The following USP34 variants were observed in gnomAD, a reference collection of about 807,000 sequenced individuals.
USP34 encodes the protein ubiquitin specific peptidase 34.
In USP34, 70 loss-of-function variants were observed where a neutral mutation model predicts 460.3. That is an observed-to-expected ratio of 0.15 (90% CI 0.13 to 0.19). The LOEUF (loss-of-function observed/expected upper bound fraction) is 0.19. Among genes scored for constraint, USP34 ranks in the 10% least tolerant of loss-of-function variants. The probability of loss-of-function intolerance (pLI) is 1.00; values close to 1 mark genes in which losing one functional copy is unlikely to be tolerated. For synonymous variants in USP34, 1,647 were observed against 1,405.3 expected, an observed-to-expected ratio of 1.17 and a Z score of -3.85; for missense variants, 3,985 against 4,236.2, an observed-to-expected ratio of 0.94 and a Z score of 1.65.
intron 2 of USP34, among the ~76,000 whole-genome samples, chr2:61,415,573 T>C (rs561759352): frequency 1.3e-5 from 2 of 152,276 alleles, no homozygotes; most frequent in East Asian, 3.9e-4. Context: ...AACAGCAATA[T>C]AAGAAGAGTG....
intron 50 of USP34, among the ~76,000 whole-genome samples, chr2:61,245,573 T>C (rs939230411): frequency 2.0e-5 from 3 of 151,938 alleles, no homozygotes; most frequent in African/African-American, 7.2e-5. Flanking sequence ...GTAACGCTAT[T>C]AGGAAAAATT....
intron 68 of USP34, among the ~76,000 whole-genome samples, chr2:61,213,382 C>G (rs1416074031): frequency 1.3e-5 from 2 of 151,814 alleles, no homozygotes; most frequent in East Asian, 3.9e-4. Context: ...ACTCATTACA[C>G]CATCTAGAAA....
Position 61,283,159 on chromosome 2 carries a change from G to C in USP34, c.4984C>G (p.Leu1662Val), listed in dbSNP as rs536815742. 7 of 1,613,188 alleles carry C rather than the reference G, an allele frequency of 4.3e-6. No individual in the cohort carries two copies. The highest frequency in any genetic ancestry group is 4.5e-5 in the East Asian group (2 of 44,768). ...HLQDWLKKLT[L>V]LIPETAVRHE... ...CTTTATCTTACCTCAGGAATAAGGA[G>C]AGTCAATTTCTTTAGCCAATCTTGT... Residue 1662 changes from leucine (L) to valine (V), a missense_variant, in exon 37 of 80, where the codon CTC (leucine) becomes GTC (valine). Leu to Val is a conservative substitution (Grantham distance 32). This residue lies in a region of USP34 where 1,114 missense variants were observed against 1,122.5 expected (regional missense o/e 0.99). Transcript: ENST00000398571.
intron 39 of USP34, among the ~76,000 whole-genome samples, 191 bp downstream of exon 39, chr2:61,280,053 A>C (rs1331728304): frequency 6.6e-6 from 1 of 152,224 alleles, no homozygotes. Flanking sequence ...CGTTTCAACT[A>C]AGGTCTGAGT....
intron 53 of USP34, among the ~76,000 whole-genome samples, chr2:61,241,350 T>C (rs1688254055): frequency 6.6e-6 from 1 of 152,104 alleles, no homozygotes; most frequent in Non-Finnish European, 1.5e-5. Context: ...TCGCCTACTC[T>C]CTTTTAGTGA....
chr2:61,236,939 G>A (rs1377402851), intron 53 of USP34, among the ~76,000 whole-genome samples: 1 of 152,090 alleles, frequency 6.6e-6, no homozygotes, highest in Non-Finnish European at 1.5e-5. Context: ...TCTGACTATT[G>A]ATATTACTAG....
intron 2 of USP34, 119 bp downstream of exon 2, chr2:61,420,627 G>A (rs1192703968): frequency 9.3e-6 from 5 of 537,332 alleles, no homozygotes; most frequent in Non-Finnish European, 1.6e-5. Context: ...TTGACAAACT[G>A]TCATTTAGTA....
intron 49 of USP34, among the ~76,000 whole-genome samples, chr2:61,247,837 C>G (rs1688458125): frequency 2.0e-5 from 3 of 152,114 alleles, no homozygotes; most frequent in Non-Finnish European, 4.4e-5. Context: ...CTCTGTCGCC[C>G]ACACTGGAGT....
chr2:61,267,534 C>G (rs1689087457), intron 41 of USP34, among the ~76,000 whole-genome samples: 2 of 151,882 alleles, frequency 1.3e-5, no homozygotes, highest in African/African-American at 4.8e-5. Flanking sequence ...CCACCGCTGC[C>G]CAGGTTCGAG....
chr2:61,373,373 T>C (rs1177919285), intron 8 of USP34, among the ~76,000 whole-genome samples: 1 of 151,894 alleles, frequency 6.6e-6, no homozygotes, highest in Non-Finnish European at 1.5e-5. Context: ...ACTAGTTTTT[T>C]TTTTTAAAGA....
At chr2:61,447,252 T>A (rs1695145744) in intron 1 of USP34, among the ~76,000 whole-genome samples, 1 of 54,680 alleles carries the variant, frequency 1.8e-5, no homozygotes, top group East Asian at 7.6e-4. Flanking sequence ...GAAACTGTCT[T>A]CCAAAAAAAA....
intron 10 of USP34, among the ~76,000 whole-genome samples, chr2:61,360,583 T>C (rs1692244927): frequency 6.6e-6 from 1 of 152,196 alleles, no homozygotes; most frequent in Non-Finnish European, 1.5e-5. Flanking sequence ...ATTCATGCAC[T>C]GAAGGAAAAA....
chr2:61,322,412 G>A (rs1301667473), intron 21 of USP34, among the ~76,000 whole-genome samples: 1 of 152,160 alleles, frequency 6.6e-6, no homozygotes, highest in Non-Finnish European at 1.5e-5. Context: ...CAGTGTGGCA[G>A]AAGACAGACG....
At chr2:61,354,300 A>T (rs190433130) in intron 10 of USP34, among the ~76,000 whole-genome samples, 1 of 152,308 alleles carries the variant, frequency 6.6e-6, no homozygotes. Context: ...ATTATCAGCG[A>T]ATTTCTCATC....
chr2:61,355,070 T>C (rs1180052154), intron 10 of USP34, among the ~76,000 whole-genome samples: 1 of 152,212 alleles, frequency 6.6e-6, no homozygotes. Context: ...GAATTATCCC[T>C]GTGTTCTCAG....
chr2:61,390,299 G>A (rs1249559030), intron 5 of USP34, among the ~76,000 whole-genome samples: 1 of 152,206 alleles, frequency 6.6e-6, no homozygotes, highest in Non-Finnish European at 1.5e-5. Flanking sequence ...GCTGAGGGCT[G>A]AGGAAGGATA....
rs575605924 is a variant in USP34 at position 61,355,631 on chromosome 2, CAACA to C, written c.1252-4942_1252-4939del. Among the ~76,000 whole-genome samples the C allele has an allele frequency of 5.5e-4, 83 of 151,412 alleles. No homozygotes were observed. The East Asian group carries it at 0.012, about 22-fold the overall frequency. On this transcript the variant is annotated intron_variant, in intron 10 of 79. Transcript: ENST00000398571. ...ACAAAAACAACAACAACAACAACAA[CAACA>C]AACAAACACAAACCACCAAAACAAC...
chr2:61,369,200 G>A (rs1038962313), intron 10 of USP34, among the ~76,000 whole-genome samples: 35 of 152,318 alleles, frequency 2.3e-4, no homozygotes, highest in African/African-American at 7.7e-4. Context: ...TGCCGTACCA[G>A]TATCTACCAC....
chr2:61,444,627 AAAAC>A lies in USP34; in HGVS notation c.44-23798_44-23795del, dbSNP rs756929109. On this transcript the variant is annotated intron_variant, in intron 1 of 79. Coordinates refer to ENST00000398571, the MANE Select transcript of USP34 (RefSeq NM_014709.4). ...TTGTCATAGTTAACTACTGAAGACA[AAAAC>A]AAAGAAAATCTTAAAACTGAGCAAA... Among the ~76,000 whole-genome samples the A allele has an allele frequency of 9.2e-5, 14 of 152,308 alleles. 1 individual carries two copies. Among genetic ancestry groups the A allele is most frequent in the Middle Eastern group, 6.8e-3 (2 of 294 alleles).
Sources: allele counts gnomAD v4.1 joint callset (sites outside exome capture counted in the v4.1 genomes callset), GRCh38; gene constraint gnomAD v4.1.1; regional missense constraint gnomAD v4.1.1; transcripts MANE v1.5; gene names NCBI Gene and HGNC (gene_info 2026-07-23, HGNC 2026-07-21).